The following BABAM2 variants were observed in gnomAD, a reference collection of about 807,000 sequenced individuals.
BABAM2 encodes BRISC and BRCA1 A complex member 2.
A neutral mutation model predicts 54.7 loss-of-function variants in BABAM2; 31 were observed. The ratio of observed to expected loss-of-function variants is 0.57; its 90% CI spans 0.43 to 0.77. BABAM2 has a LOEUF of 0.77. BABAM2 is among the 30% of genes least tolerant of loss of function. The pLI, the probability that BABAM2 is intolerant of heterozygous loss-of-function variation, is 0.00. For missense variants in BABAM2, 364 were observed against 455.8 expected, an observed-to-expected ratio of 0.80 and a Z score of 1.83; for synonymous variants, 167 against 162.9, an observed-to-expected ratio of 1.03 and a Z score of -0.19.
intron 4 of BABAM2, among the ~76,000 whole-genome samples, chr2:28,021,695 T>C (rs1675280897): frequency 1.3e-5 from 2 of 152,198 alleles, no homozygotes; most frequent in South Asian, 4.1e-4. Context: ...TTTCTTGTTA[T>C]ATTTCTAATG....
chr2:28,248,441 T>G (rs1372276947), intron 10 of BABAM2, among the ~76,000 whole-genome samples: 2 of 151,870 alleles, frequency 1.3e-5, no homozygotes, highest in Admixed American at 6.6e-5. Context: ...ACTCCCGACC[T>G]CAGGTGATCC....
At chr2:27,959,549 GT>G (rs528349308) in intron 3 of BABAM2, among the ~76,000 whole-genome samples, 4,418 of 146,448 alleles carry the variant, frequency 0.03, 99 homozygotes, top group South Asian at 0.1. Context: ...TTAATGTTCT[GT>G]TTTTTTTTTT....
chr2:28,260,658 T>G (rs1684422364), intron 10 of BABAM2, among the ~76,000 whole-genome samples: 1 of 152,202 alleles, frequency 6.6e-6, no homozygotes, highest in Non-Finnish European at 1.5e-5. Context: ...TGCCTTTCCC[T>G]GTGCGTTCTA....
At chr2:28,045,374 AG>A (rs1464650110) in intron 5 of BABAM2, among the ~76,000 whole-genome samples, 1 of 152,204 alleles carries the variant, frequency 6.6e-6, no homozygotes, top group African/African-American at 2.4e-5. Flanking sequence ...AATGAATCAA[AG>A]GGGTAGGTCT....
chr2:28,008,657 CAAAT>C (rs747483724), intron 4 of BABAM2, among the ~76,000 whole-genome samples: 37 of 152,164 alleles, frequency 2.4e-4, no homozygotes, highest in Admixed American at 5.2e-4. Context: ...AAATTAAACA[CAAAT>C]AAATATGTCC....
intron 7 of BABAM2, among the ~76,000 whole-genome samples, chr2:28,228,935 C>G (rs972906242): frequency 3.9e-5 from 6 of 152,198 alleles, no homozygotes; most frequent in African/African-American, 1.4e-4. Context: ...ATTAGACATA[C>G]TCTGTTTGCA....
At chr2:28,014,260 A>G (rs1558657427) in intron 4 of BABAM2, among the ~76,000 whole-genome samples, 2 of 152,188 alleles carry the variant, frequency 1.3e-5, no homozygotes, top group Admixed American at 6.5e-5. Context: ...TCAAATAACA[A>G]CATATTTGAT....
chr2:28,062,435 T>C (rs1217647500), intron 6 of BABAM2, among the ~76,000 whole-genome samples: 1 of 151,224 alleles, frequency 6.6e-6, no homozygotes, highest in East Asian at 1.9e-4. Flanking sequence ...TGGTGGTGCG[T>C]GCCTGTAGTC....
Position 28,297,236 on chromosome 2 carries a change from T to C in BABAM2, c.935-1102T>C, listed in dbSNP as rs537385427. On this transcript the variant is annotated intron_variant, in intron 10 of 11. Coordinates refer to ENST00000379624, the MANE Select transcript of BABAM2 (RefSeq NM_199191.3). ...TGACTATGACATGAGCAAGTTAATATACCTCTTAGAGTCTCTGGTTTGCTC... is the reference window on the plus strand; with the variant it reads ...TGACTATGACATGAGCAAGTTAATACACCTCTTAGAGTCTCTGGTTTGCTC... Among the ~76,000 whole-genome samples the C allele has an allele frequency of 3.3e-5, 5 of 152,326 alleles. No homozygotes were observed. The East Asian group carries it at 5.8e-4, about 18-fold the overall frequency.
At chr2:28,075,874 G>A (rs1447958123) in intron 6 of BABAM2, among the ~76,000 whole-genome samples, 1 of 151,670 alleles carries the variant, frequency 6.6e-6, no homozygotes, top group Non-Finnish European at 1.5e-5. Context: ...TCTTTCCTTT[G>A]TATAGCTTAT....
chr2:27,912,915 A>G (rs1421986606), intron 2 of BABAM2, among the ~76,000 whole-genome samples: 1 of 152,178 alleles, frequency 6.6e-6, no homozygotes, highest in African/African-American at 2.4e-5. Context: ...GAGATATCAA[A>G]AGAACACTTG....
At chr2:28,155,105 T>C (rs1672424412) in intron 7 of BABAM2, among the ~76,000 whole-genome samples, 1 of 152,072 alleles carries the variant, frequency 6.6e-6, no homozygotes, top group African/African-American at 2.4e-5. Flanking sequence ...TTTTAAAAAA[T>C]CTTGAAGGTC....
intron 7 of BABAM2, among the ~76,000 whole-genome samples, chr2:28,129,678 G>A (rs1558366197): frequency 1.3e-5 from 2 of 152,186 alleles, no homozygotes; most frequent in Non-Finnish European, 1.5e-5. Flanking sequence ...GTTCCCTGGA[G>A]TTCGAATGGT....
At chr2:28,105,794 C>A (rs570191134) in intron 6 of BABAM2, among the ~76,000 whole-genome samples, 14 of 152,056 alleles carry the variant, frequency 9.2e-5, no homozygotes, top group Non-Finnish European at 1.9e-4. Context: ...CTTCTTTGAC[C>A]AAGCATGGTG....
chr2:27,952,896 C>T (rs1669839044), intron 3 of BABAM2, among the ~76,000 whole-genome samples: 1 of 152,198 alleles, frequency 6.6e-6, no homozygotes, highest in South Asian at 2.1e-4. Context: ...GCTGTCAAAC[C>T]TCCAATTTAT....
At chr2:27,991,321 C>T (rs1373972956) in intron 4 of BABAM2, among the ~76,000 whole-genome samples, 1 of 152,172 alleles carries the variant, frequency 6.6e-6, no homozygotes, top group Non-Finnish European at 1.5e-5. Flanking sequence ...CTTTGCTTAA[C>T]ATTATTTCCA....
At chr2:28,164,603 T>C (rs1673448087) in intron 7 of BABAM2, among the ~76,000 whole-genome samples, 1 of 152,084 alleles carries the variant, frequency 6.6e-6, no homozygotes, top group Admixed American at 6.6e-5. Context: ...TGTTTTGCTC[T>C]TTTCTTTTTC....
At chr2:28,152,299 G>A (rs1224384732) in intron 7 of BABAM2, among the ~76,000 whole-genome samples, 1 of 152,196 alleles carries the variant, frequency 6.6e-6, no homozygotes, top group Non-Finnish European at 1.5e-5. Flanking sequence ...CAACAGGGCT[G>A]TGGAGTTTTC....
At chr2:28,219,125 A>T (rs1026156469) in intron 7 of BABAM2, among the ~76,000 whole-genome samples, 1 of 152,220 alleles carries the variant, frequency 6.6e-6, no homozygotes, top group African/African-American at 2.4e-5. Flanking sequence ...GCTACAGTCA[A>T]GGTGCCAGTG....
Sources: allele counts gnomAD v4.1 joint callset (sites outside exome capture counted in the v4.1 genomes callset), GRCh38; gene constraint gnomAD v4.1.1; transcripts MANE v1.5; gene names NCBI Gene and HGNC (gene_info 2026-07-23, HGNC 2026-07-21).